Variants in CRADD observed in about 807,000 individuals in gnomAD.
CRADD encodes the protein death domain-containing protein CRADD.
In CRADD, 9 loss-of-function variants were observed where a neutral mutation model predicts 15.5. The ratio of observed to expected loss-of-function variants is 0.58; its 90% confidence interval spans 0.35 to 1.01. CRADD has a LOEUF of 1.01. CRADD is among the 50% of genes least tolerant of loss of function. CRADD has a pLI of 0.02. For synonymous variants in CRADD, 118 were observed against 107.6 expected (o/e 1.10, Z -0.60); for missense variants, 227 against 250.3 (o/e 0.91, Z 0.63).
Position 93,868,672 on chromosome 12 carries a change from C to T in CRADD, c.299-25378C>T, listed in dbSNP as rs59235001. ...TTATGAACTCATTCTTCTCTCTCTCCCTCTCTCTCTCTTGCACACACACAC... is the reference window on the plus strand; with the variant it reads ...TTATGAACTCATTCTTCTCTCTCTCTCTCTCTCTCTCTTGCACACACACAC... On this transcript the variant is annotated intron_variant, in intron 2 of 2. Coordinates refer to the CRADD transcript ENST00000548483. Among the ~76,000 whole-genome samples, 128 of 149,280 alleles carry T rather than the reference C, an allele frequency of 8.6e-4. 1 individual carries two copies. The highest frequency in any genetic ancestry group is 3.1e-3 in the African/African-American group (123 of 39,912).
intron 2 of CRADD, among the ~76,000 whole-genome samples, chr12:93,683,931 C>A (rs547320553): frequency 6.6e-6 from 1 of 152,194 alleles, no homozygotes; most frequent in Non-Finnish European, 1.5e-5. Context: ...TGTGCTTCCA[C>A]TGTGACTGAG....
chr12:93,839,539 C>T (rs980270962), intron 2 of CRADD, among the ~76,000 whole-genome samples: 6 of 152,324 alleles, frequency 3.9e-5, no homozygotes, highest in Admixed American at 2.0e-4. Flanking sequence ...CTGGCCAGTA[C>T]GACTGTCCGA....
chr12:93,703,331 T>C (rs1955876686), intron 2 of CRADD, among the ~76,000 whole-genome samples: 1 of 151,998 alleles, frequency 6.6e-6, no homozygotes, highest in African/African-American at 2.4e-5. Context: ...TCTGTGTTCT[T>C]GGGCAAGTTT....
intron 2 of CRADD, among the ~76,000 whole-genome samples, chr12:93,803,764 A>G (rs901714082): frequency 4.6e-5 from 7 of 152,068 alleles, no homozygotes; most frequent in Admixed American, 6.6e-5. Flanking sequence ...CAAATATGTT[A>G]CCTCCATGGC....
intron 2 of CRADD, among the ~76,000 whole-genome samples, chr12:93,866,384 T>G (rs1283992975): frequency 1.3e-5 from 2 of 152,182 alleles, no homozygotes; most frequent in Non-Finnish European, 2.9e-5. Context: ...CTTACTGGAT[T>G]TTTAATTTAT....
At chr12:93,740,525 A>G (rs896317188) in intron 2 of CRADD, among the ~76,000 whole-genome samples, 3 of 152,164 alleles carry the variant, frequency 2.0e-5, no homozygotes, top group African/African-American at 7.2e-5. Context: ...TAAAGAAACT[A>G]TCTTAGTGAT....
chr12:93,833,231 G>A lies in CRADD; in HGVS notation c.299-16739G>A, dbSNP rs745772408. 3.3e-5 allele frequency among the ~76,000 whole-genome samples: 5 copies of A among 152,162 alleles called. 1 individual carries two copies. The highest frequency in any genetic ancestry group is 1.3e-4 in the Admixed American group (2 of 15,276). ...TAAGCCTCATTAATATTAAAGAAACGTTGTGTTAGATACCACCCTAAGCAT... is the reference window on the plus strand; with the variant it reads ...TAAGCCTCATTAATATTAAAGAAACATTGTGTTAGATACCACCCTAAGCAT... On this transcript the variant is annotated intron_variant, in intron 2 of 2. Coordinates refer to ENST00000332896, the MANE Select transcript of CRADD (RefSeq NM_003805.5).
intron 2 of CRADD, among the ~76,000 whole-genome samples, chr12:93,827,744 A>G (rs1555227033): frequency 6.6e-6 from 1 of 150,454 alleles, no homozygotes; most frequent in African/African-American, 2.4e-5. Context: ...ATTTTAACCA[A>G]TTTTATTGTG....
At chr12:93,854,879 A>G (rs1220934865), downstream of CRADD, among the ~76,000 whole-genome samples, 1 of 152,240 alleles carries the variant, frequency 6.6e-6, no homozygotes, top group Non-Finnish European at 1.5e-5. Flanking sequence ...TGACTTTTTA[A>G]TACTTTTTAA....
At chr12:93,730,085 T>C (rs1956438211) in intron 2 of CRADD, among the ~76,000 whole-genome samples, 1 of 152,250 alleles carries the variant, frequency 6.6e-6, no homozygotes, top group Non-Finnish European at 1.5e-5. Context: ...TTACTGTTTA[T>C]TGTCTGCCAA....
At chr12:93,773,538 A>T (rs1371253993) in intron 2 of CRADD, among the ~76,000 whole-genome samples, 2 of 152,182 alleles carry the variant, frequency 1.3e-5, no homozygotes, top group Non-Finnish European at 2.9e-5. Flanking sequence ...GTATGTCTGT[A>T]TCAGCAGTGT....
chr12:93,757,739 G>A (rs931746968), intron 2 of CRADD, among the ~76,000 whole-genome samples: 10 of 152,166 alleles, frequency 6.6e-5, no homozygotes, highest in African/African-American at 2.4e-4. Context: ...CTCCATTTCT[G>A]TAGGAAAAGA....
intron 2 of CRADD, among the ~76,000 whole-genome samples, chr12:93,845,663 A>G (rs1958105852): frequency 6.6e-6 from 1 of 152,066 alleles, no homozygotes; most frequent in African/African-American, 2.4e-5. Context: ...AGTCCTAGAA[A>G]ACTCAACCTC....
At chr12:93,865,488 G>GCCA (rs1322025321) in intron 2 of CRADD, among the ~76,000 whole-genome samples, 2,734 of 152,224 alleles carry the variant, frequency 0.018, 83 homozygotes, top group African/African-American at 0.062. Flanking sequence ...AGTGATCTGG[G>GCCA]GGTCACTGTA....
chr12:93,711,055 C>CCCCCCCCTTTTTT, intron 2 of CRADD, among the ~76,000 whole-genome samples: 5 of 43,502 alleles, frequency 1.1e-4, no homozygotes, highest in Admixed American at 2.6e-4. Context: ...CCACCCCCGC[C>CCCCCCCCTTTTTT]TTTTTTTTTT....
At chr12:93,734,439 A>G (rs940463172) in intron 2 of CRADD, among the ~76,000 whole-genome samples, 7 of 152,202 alleles carry the variant, frequency 4.6e-5, no homozygotes, top group Non-Finnish European at 2.9e-5. Flanking sequence ...TTTTTTATTT[A>G]GAACTCTTTT....
intron 2 of CRADD, among the ~76,000 whole-genome samples, chr12:93,822,570 CTGTT>C (rs909697974): frequency 7.2e-5 from 11 of 152,082 alleles, no homozygotes; most frequent in African/African-American, 9.7e-5. Context: ...GAGAAGCAGA[CTGTT>C]TGGGAGGAGG....
At chr12:93,821,192 G>T (rs181763006) in intron 2 of CRADD, among the ~76,000 whole-genome samples, 1 of 152,324 alleles carries the variant, frequency 6.6e-6, no homozygotes, top group Non-Finnish European at 1.5e-5. Flanking sequence ...CTTTCAGGGC[G>T]ACAGTTGGTT....
intron 2 of CRADD, among the ~76,000 whole-genome samples, chr12:93,876,900 T>G (rs570238397): frequency 6.6e-6 from 1 of 152,166 alleles, no homozygotes; most frequent in African/African-American, 2.4e-5. Flanking sequence ...TGTCTGGCCA[T>G]TGAAGAGTGA....
Sources: gnomAD v4.1 joint callset for allele counts (sites outside exome capture counted in the v4.1 genomes callset) on GRCh38, gnomAD v4.1.1 for gene constraint, MANE v1.5 for transcripts, NCBI Gene and HGNC (gene_info 2026-07-23, HGNC 2026-07-21) for gene names.